Variants in NXPH1 observed in about 807,000 individuals in gnomAD.
The protein encoded by NXPH1 is neurexophilin 1.
A neutral mutation model predicts 23.7 loss-of-function variants in NXPH1; 5 were observed. That is an observed-to-expected ratio of 0.21 (90% CI 0.11 to 0.44). The LOEUF (loss-of-function observed/expected upper bound fraction) is 0.44, where lower values mean the gene tolerates loss of function less well. NXPH1 is among the 20% of genes least tolerant of loss of function. The pLI, the probability that NXPH1 is intolerant of heterozygous loss-of-function variation, is 0.99. For synonymous variants in NXPH1, 144 were observed against 122.2 expected (o/e 1.18, Z -1.18); for missense variants, 324 against 321.6 (o/e 1.01, Z -0.06).
intron 2 of NXPH1, among the ~76,000 whole-genome samples, chr7:8,652,587 T>A (rs1820507355): frequency 6.6e-6 from 1 of 152,212 alleles, no homozygotes; most frequent in Admixed American, 6.5e-5. Flanking sequence ...GCACCTACTA[T>A]GTGCCAGCTC....
intron 2 of NXPH1, among the ~76,000 whole-genome samples, chr7:8,443,876 C>T (rs1816351797): frequency 6.6e-6 from 1 of 152,122 alleles, no homozygotes. Context: ...GACGAACAAC[C>T]GCCCCCTACA....
At chr7:8,541,838 TA>T (rs1470331775) in intron 2 of NXPH1, among the ~76,000 whole-genome samples, 1 of 151,556 alleles carries the variant, frequency 6.6e-6, no homozygotes, top group Non-Finnish European at 1.5e-5. Context: ...GAGTTAACTC[TA>T]AAGCAGTAAC....
chr7:8,716,772 A>C (rs911003994), intron 2 of NXPH1, among the ~76,000 whole-genome samples: 1 of 152,146 alleles, frequency 6.6e-6, no homozygotes, highest in African/African-American at 2.4e-5. Context: ...CCAGCAATAA[A>C]ATATTTAAAA....
intron 2 of NXPH1, among the ~76,000 whole-genome samples, chr7:8,729,197 A>AT (rs1780107921): frequency 1.3e-5 from 2 of 150,918 alleles, no homozygotes; most frequent in Non-Finnish European, 3.0e-5. Context: ...CCCCTTTATC[A>AT]TTTTTTATTG....
rs528063200 is a variant in NXPH1 at position 8,561,717 on chromosome 7, A to G, written c.54+125950A>G. Among the ~76,000 whole-genome samples, 4 of 151,724 alleles carry G rather than the reference A, an allele frequency of 2.6e-5. No homozygotes were observed. In the South Asian group the frequency reaches 8.3e-4, roughly 32 times the overall value. ...ATTAGAGGGCATAATGAGGTTTTGT[A>G]AAGGTCCATGAGTTCTCAACAGGAA... On this transcript the variant is annotated intron_variant, in intron 2 of 2. Transcript: ENST00000405863.
chr7:8,589,645 C>A (rs1044753730), intron 2 of NXPH1, among the ~76,000 whole-genome samples: 1 of 151,892 alleles, frequency 6.6e-6, no homozygotes, highest in African/African-American at 2.4e-5. Context: ...AGAAAAAGAA[C>A]GAAAAAGATA....
chr7:8,517,845 C>G (rs1354056029), intron 2 of NXPH1, among the ~76,000 whole-genome samples: 2 of 152,278 alleles, frequency 1.3e-5, no homozygotes, highest in East Asian at 3.9e-4. Context: ...GAGATAATCC[C>G]TGACATCTCT....
At chr7:8,436,143 T>C (rs981843750) in intron 2 of NXPH1, among the ~76,000 whole-genome samples, 2 of 151,982 alleles carry the variant, frequency 1.3e-5, no homozygotes, top group East Asian at 1.9e-4. Flanking sequence ...GGGGGTGTAG[T>C]TGGGTGGTGG....
chr7:8,542,466 A>C (rs7799856), intron 2 of NXPH1, among the ~76,000 whole-genome samples: 78,538 of 151,248 alleles, frequency 0.52, 21,348 homozygotes, highest in East Asian at 0.68. Flanking sequence ...ACACAACCAA[A>C]AAATTGATCT....
chr7:8,747,482 G>A (rs148846184), intron 2 of NXPH1, among the ~76,000 whole-genome samples: 39 of 152,058 alleles, frequency 2.6e-4, no homozygotes, highest in African/African-American at 7.7e-4. Flanking sequence ...GGATAATTTC[G>A]TTACTGCTTC....
chr7:8,566,394 G>C (rs765196381), intron 2 of NXPH1, among the ~76,000 whole-genome samples: 1 of 151,882 alleles, frequency 6.6e-6, no homozygotes, highest in Non-Finnish European at 1.5e-5. Context: ...ACCTAGGAAA[G>C]TGGTAAAGCA....
intron 2 of NXPH1, among the ~76,000 whole-genome samples, chr7:8,607,510 ATT>A (rs1819520762): frequency 6.6e-6 from 1 of 152,206 alleles, no homozygotes; most frequent in South Asian, 2.1e-4. Flanking sequence ...GCCCTTGGCT[ATT>A]AATGCAACAG....
chr7:8,559,709 T>C (rs1275549185), intron 2 of NXPH1, among the ~76,000 whole-genome samples: 1 of 151,668 alleles, frequency 6.6e-6, no homozygotes, highest in Admixed American at 6.6e-5. Context: ...CCTTATAGGT[T>C]TAGGTCCGTA....
At chr7:8,612,638 A>C (rs1195340610) in intron 2 of NXPH1, among the ~76,000 whole-genome samples, 1 of 152,060 alleles carries the variant, frequency 6.6e-6, no homozygotes, top group Non-Finnish European at 1.5e-5. Context: ...GAGAATATTT[A>C]AAAGATTCCA....
chr7:8,524,349 G>C (rs1370147637), intron 2 of NXPH1, among the ~76,000 whole-genome samples: 1 of 151,734 alleles, frequency 6.6e-6, no homozygotes, highest in Non-Finnish European at 1.5e-5. Flanking sequence ...TCCTCTTAAG[G>C]CTTGGCTCTT....
intron 2 of NXPH1, among the ~76,000 whole-genome samples, chr7:8,549,615 C>T (rs1419023447): frequency 6.6e-6 from 1 of 151,460 alleles, no homozygotes; most frequent in East Asian, 2.0e-4. Context: ...TTAATCTCTG[C>T]TTTTTGGAAT....
At chr7:8,462,727 C>T (rs1464723614) in intron 2 of NXPH1, among the ~76,000 whole-genome samples, 2 of 152,212 alleles carry the variant, frequency 1.3e-5, no homozygotes, top group Admixed American at 6.5e-5. Context: ...ATGATATATA[C>T]AATTTTTATT....
intron 2 of NXPH1, among the ~76,000 whole-genome samples, chr7:8,464,069 C>T (rs574856328): frequency 6.6e-6 from 1 of 152,240 alleles, no homozygotes; most frequent in African/African-American, 2.4e-5. Context: ...TTAAGTGCTC[C>T]TGCATAATCA....
At chr7:8,678,928 ATT>A (rs540056222) in intron 2 of NXPH1, among the ~76,000 whole-genome samples, 38 of 68,754 alleles carry the variant, frequency 5.5e-4, no homozygotes, top group African/African-American at 1.1e-3. Flanking sequence ...GCTTTATCCA[ATT>A]TTTTTTTTTT....
Sources: gnomAD v4.1 joint callset for allele counts (sites outside exome capture counted in the v4.1 genomes callset) on GRCh38, gnomAD v4.1.1 for gene constraint, MANE v1.5 for transcripts, NCBI Gene and HGNC (gene_info 2026-07-23, HGNC 2026-07-21) for gene names.